TRIM49B: variants seen among roughly 807,000 people sequenced by gnomAD.
TRIM49B encodes the protein putative tripartite motif-containing protein 49B.
Under a neutral mutation model 31.8 loss-of-function variants are expected in TRIM49B, and 18 were observed. The observed-to-expected ratio is 0.57, with a 90% CI of 0.39 to 0.84. The LOEUF (loss-of-function observed/expected upper bound fraction) is 0.84. Ranked by LOEUF, TRIM49B falls within the 40% of genes least tolerant of loss-of-function variation. TRIM49B has a pLI of 0.00. For missense variants in TRIM49B, 494 were observed against 538.7 expected (o/e 0.92, Z 0.82); for synonymous variants, 196 against 180.6 (o/e 1.09, Z -0.68).
intron 1 of TRIM49B, 93 bp from the exon 2 acceptor site, chr11:49,031,503 G>A (rs1854444816): frequency 4.5e-6 from 7 of 1,543,900 alleles, no homozygotes; most frequent in Non-Finnish European, 5.2e-6. Context: ...ACACTGTCAA[G>A]AGAAGAAAAT....
At position 49,037,523 on chromosome 11, in the gene TRIM49B, T is replaced by C. The variant is rs1232030030; in HGVS notation, c.905T>C (p.Leu302Pro). 1.2e-6 allele frequency: 2 copies of C among 1,614,232 alleles called. No homozygotes were observed. The highest frequency in any genetic ancestry group is 2.2e-5 in the South Asian group (2 of 91,088). Reference protein sequence around the residue: ...HHEEANSDIFLCEILRSMCIG... With the variant: ...HHEEANSDIFPCEILRSMCIG... ...GAAGAAGCCAACAGTGATATCTTTC[T>C]ATGTGAAATTTTGAGAAGCATGTGT... The change falls in exon 7 of 7, where the codon CTA (leucine) becomes CCA (proline). Residue 302 changes from leucine (L) to proline (P), a missense_variant. By Grantham distance (98) the Leu-to-Pro change is moderately conservative (BLOSUM62 -3). Transcript: ENST00000332682.
chr11:49,036,125 A>G (rs1190542795), intron 5 of TRIM49B, among the ~76,000 whole-genome samples, 176 bp from the exon 6 acceptor site: 4 of 152,240 alleles, frequency 2.6e-5, no homozygotes, highest in Non-Finnish European at 4.4e-5. Context: ...AGATTCTTCC[A>G]TCATGCTTAA....
chr11:49,034,108 T>C (rs546969867), intron 3 of TRIM49B, 38 bp from the exon 4 acceptor site: 13 of 1,611,062 alleles, frequency 8.1e-6, no homozygotes, highest in East Asian at 4.5e-5. Context: ...GAGATGGATA[T>C]ATACATTTCT....
In TRIM49B at chr11:49,032,021, G is replaced by A. The variant is rs1022053204; in HGVS notation, c.411+11G>A. ...GCTGAGGAACACCAGGTAAGTGATGGCTCTGAAGATCGATTTCTGTAAAGG... is the reference window on the plus strand; with the variant it reads ...GCTGAGGAACACCAGGTAAGTGATGACTCTGAAGATCGATTTCTGTAAAGG... On this transcript the variant is annotated intron_variant, in intron 2 of 6. Transcript: ENST00000332682. The A allele has an allele frequency of 8.7e-6, 14 of 1,611,796 alleles. No homozygotes were observed. The African/African-American group carries it at 1.6e-4, about 18-fold the overall frequency.
chr11:49,037,645 T>C lies in TRIM49B; in HGVS notation c.1027T>C (p.Trp343Arg). 1.2e-6 allele frequency: 2 copies of C among 1,614,012 alleles called. No individual in the cohort carries two copies. The highest frequency in any genetic ancestry group is 8.5e-7 in the Non-Finnish European group (1 of 1,179,882). Reference sequence around the variant, plus strand: ...GACTTTCACCTCGGGCAAATATTACTGGGAGGTCCATGTAGGGGACTCCTG... The same window carrying C: ...GACTTTCACCTCGGGCAAATATTACCGGGAGGTCCATGTAGGGGACTCCTG... The part of the protein sequence containing the change: ...AQTFTSGKYY[W>R]EVHVGDSWNW... Residue 343 changes from tryptophan to arginine, a missense_variant, in exon 7 of 7, where the codon TGG (tryptophan) becomes CGG (arginine). Trp to Arg is a moderately radical substitution (Grantham distance 101). Around this residue, in one of 3 missense-constraint regions of TRIM49B, gnomAD observed 233 missense variants for 281.4 expected, o/e 0.83. Coordinates refer to ENST00000332682, the MANE Select transcript of TRIM49B (RefSeq NM_001206626.2).
intron 3 of TRIM49B, among the ~76,000 whole-genome samples, chr11:49,033,335 T>C (rs1190849770): frequency 6.6e-6 from 1 of 151,908 alleles, no homozygotes; most frequent in Non-Finnish European, 1.5e-5. Flanking sequence ...AATAGGGTGG[T>C]CAGAAAAAAG....
At chr11:49,032,087 A>T in intron 2 of TRIM49B, 77 bp downstream of exon 2, 2 of 1,609,442 alleles carry the variant, frequency 1.2e-6, no homozygotes, top group Non-Finnish European at 1.7e-6. Flanking sequence ...TGGAGATTGG[A>T]TAAAACAAAC....
chr11:49,036,348 T>G lies in TRIM49B; in HGVS notation c.809T>G (p.Leu270Arg). 6.3e-7 allele frequency: 1 copy of G among 1,577,682 alleles called. No individual in the cohort carries two copies. Among genetic ancestry groups the G allele is most frequent in the South Asian group, 1.1e-5 (1 of 87,396 alleles). ...ATGCCCCAGCCTCTGAATCCAGAGC[T>G]CAGTGCAGGGCCCATCACTGGACTG... ...LHMPQPLNPE[L>R]SAGPITGLRD... Residue 270 changes from leucine (L) to arginine (R), a missense_variant, in exon 6 of 7, where the codon CTC becomes CGC. Physicochemically the swap from Leu to Arg is moderately radical, Grantham distance 102. Around this residue, in one of 3 missense-constraint regions of TRIM49B, gnomAD observed 233 missense variants for 281.4 expected, o/e 0.83. Transcript: ENST00000332682.
rs1345112785 is a variant in TRIM49B at position 49,037,858 on chromosome 11, G to C, written c.1240G>C (p.Asp414His). The C allele has an allele frequency of 6.2e-7, 1 of 1,613,874 alleles. No homozygotes were observed. The change falls in exon 7 of 7, where the codon GAT (aspartate) becomes CAT (histidine). Residue 414 changes from aspartate to histidine, a missense_variant. Physicochemically the swap from Asp to His is moderately conservative, Grantham distance 81. Transcript: ENST00000332682. ...RPTSRVGLFL[D>H]CEAKTVSFVD... Reference sequence around the variant, plus strand: ...TACCAGCCGAGTAGGATTATTCCTGGATTGTGAGGCTAAGACTGTGAGCTT... The same window carrying C: ...TACCAGCCGAGTAGGATTATTCCTGCATTGTGAGGCTAAGACTGTGAGCTT...
Position 49,036,358 on chromosome 11 carries a change from G to A in TRIM49B, c.819G>A (p.Gly273=), listed in dbSNP as rs1854530578. ...CTCTGAATCCAGAGCTCAGTGCAGG[G>A]CCCATCACTGGACTGAGGGACAGGC... is the stretch of plus-strand genomic sequence containing the variant. ...PQPLNPELSA[G]PITGLRDRLN... The change falls in exon 6 of 7, where the codon GGG becomes GGA. Residue 273 remains glycine (G), a synonymous_variant. Coordinates refer to ENST00000332682, the MANE Select transcript of TRIM49B (RefSeq NM_001206626.2). 2 of 1,578,572 alleles carry A rather than the reference G, an allele frequency of 1.3e-6. No homozygotes were observed.
chr11:49,035,193 G>A, intron 5 of TRIM49B, 76 bp downstream of exon 5: 1 of 1,586,714 alleles, frequency 6.3e-7, no homozygotes, highest in Non-Finnish European at 8.5e-7. Context: ...TTAAAGTCAT[G>A]GCATAAAGTC....
rs1854524764 is a variant in TRIM49B, at chr11:49,036,011, G to A, written c.762-290G>A. Among the ~76,000 whole-genome samples, 5 of 151,990 alleles carry A rather than the reference G, an allele frequency of 3.3e-5. No individual in the cohort carries two copies. In the South Asian group the frequency reaches 8.3e-4, roughly 25 times the overall value. On this transcript the variant is annotated intron_variant, in intron 5 of 6. Transcript: ENST00000332682. ...AGATGTCAGGGGAGTCTGCCAAGAA[G>A]TGGAACTCAGAATTTCGTTTCTAAA... is the stretch of plus-strand genomic sequence containing the variant.
chr11:49,036,215 T>G (rs1360062835), intron 5 of TRIM49B, 86 bp from the exon 6 acceptor site: 2 of 1,584,928 alleles, frequency 1.3e-6, no homozygotes, highest in Admixed American at 1.8e-5. Flanking sequence ...TTCAAAGGAT[T>G]CTCATGAAAT....
intron 6 of TRIM49B, among the ~76,000 whole-genome samples, chr11:49,036,774 G>C (rs905865198): frequency 1.9e-4 from 29 of 151,580 alleles, no homozygotes; most frequent in African/African-American, 7.0e-4. Context: ...CTGTTCTTTG[G>C]GGGAATATAG....
Position 49,031,774 on chromosome 11 carries a change from A to G in TRIM49B, c.175A>G (p.Thr59Ala), listed in dbSNP as rs1240819342. The G allele has an allele frequency of 5.5e-5, 89 of 1,613,898 alleles. No homozygotes were observed. Among genetic ancestry groups the G allele is most frequent in the Non-Finnish European group, 7.4e-5 (87 of 1,179,876 alleles). ...CCAGTGCTCTGAATGCACAAAGTCA[A>G]CAGGGCAGATAAACCTCAAAACCAA... is the stretch of plus-strand genomic sequence containing the variant. ...LVQCSECTKS[T>A]GQINLKTNIH... Residue 59 changes from threonine to alanine, a missense_variant, in exon 2 of 7, where the codon ACA becomes GCA. This residue lies in a region of TRIM49B where 251 missense variants were observed against 232.8 expected (regional missense o/e 1.08). Coordinates refer to ENST00000332682, the MANE Select transcript of TRIM49B (RefSeq NM_001206626.2).
chr11:49,032,445 G>C (rs1854466477), intron 3 of TRIM49B, 74 bp downstream of exon 3: 1 of 1,603,774 alleles, frequency 6.2e-7, no homozygotes, highest in Non-Finnish European at 8.5e-7. Context: ...ATAGGAACTG[G>C]ATATCAAACT....
At position 49,036,812 on chromosome 11, in the gene TRIM49B, AT is replaced by A. The variant is rs1180688868; in HGVS notation, c.859+421del. ...TTCTGGAGATTCTTGGGGGTTTTGT[AT>A]TTTTTTAATGTGTATATATTATTCA... is the stretch of plus-strand genomic sequence containing the variant. On this transcript the variant is annotated intron_variant, in intron 6 of 6. Transcript: ENST00000332682. Among the ~76,000 whole-genome samples the A allele has an allele frequency of 3.3e-5, 5 of 152,188 alleles. No individual in the cohort carries two copies. In the South Asian group the frequency reaches 6.2e-4, roughly 19 times the overall value.
intron 3 of TRIM49B, among the ~76,000 whole-genome samples, chr11:49,033,082 A>T (rs1854474966): frequency 6.6e-6 from 1 of 152,148 alleles, no homozygotes; most frequent in South Asian, 2.1e-4. Context: ...GTTGAAAAGC[A>T]TTTCATGAGA....
chr11:49,032,617 C>A (rs1457931573), intron 3 of TRIM49B, among the ~76,000 whole-genome samples: 1 of 51,172 alleles, frequency 2.0e-5, no homozygotes, highest in Non-Finnish European at 4.5e-5. Context: ...TTCATACAAA[C>A]CTATAGTTAT....
Sources: allele counts gnomAD v4.1 joint callset (sites outside exome capture counted in the v4.1 genomes callset), GRCh38; gene constraint gnomAD v4.1.1; regional missense constraint gnomAD v4.1.1; transcripts MANE v1.5; gene names NCBI Gene and HGNC (gene_info 2026-07-23, HGNC 2026-07-21).